NUAK1: variants seen among roughly 807,000 people sequenced by gnomAD.
NUAK1 encodes the protein NUAK family kinase 1, also known as NUAK family SNF1-like kinase 1.
A neutral mutation model predicts 56.9 loss-of-function variants in NUAK1; 26 were observed. The observed-to-expected ratio is 0.46, with a 90% CI of 0.33 to 0.63. The LOEUF (loss-of-function observed/expected upper bound fraction) is 0.63. Among genes scored for constraint, NUAK1 ranks in the 30% least tolerant of loss-of-function variants. The pLI is 0.02. For missense variants in NUAK1, 727 were observed against 876.1 expected, an observed-to-expected ratio of 0.83 and a Z score of 2.15; for synonymous variants, 337 against 336.0, an observed-to-expected ratio of 1.00 and a Z score of -0.03.
intron 4 of NUAK1, among the ~76,000 whole-genome samples, chr12:106,077,232 G>C (rs1172683830): frequency 6.6e-6 from 1 of 152,192 alleles, no homozygotes; most frequent in Non-Finnish European, 1.5e-5. Flanking sequence ...GGCTAATCAT[G>C]GCTTTGTCGT....
intron 2 of NUAK1, among the ~76,000 whole-genome samples, chr12:106,097,480 T>C (rs76408603): frequency 0.018 from 2,770 of 152,310 alleles, 71 homozygotes; most frequent in African/African-American, 0.057. Flanking sequence ...ATGTTAAGGA[T>C]CATTGATCTT....
chr12:106,092,014 A>G (rs1282808912), intron 2 of NUAK1, among the ~76,000 whole-genome samples: 3 of 151,902 alleles, frequency 2.0e-5, no homozygotes, highest in Admixed American at 2.0e-4. Flanking sequence ...TGGTCAACAT[A>G]GCGAGACCTC....
chr12:106,108,059 T>TA (rs151054632), intron 1 of NUAK1, among the ~76,000 whole-genome samples: 1,977 of 149,924 alleles, frequency 0.013, 43 homozygotes, highest in African/African-American at 0.046. Context: ...GGCAGGTAGA[T>TA]AAAAAACGAA....
intron 1 of NUAK1, among the ~76,000 whole-genome samples, chr12:106,127,327 G>A (rs1475116673): frequency 6.6e-6 from 1 of 152,096 alleles, no homozygotes; most frequent in Non-Finnish European, 1.5e-5. Flanking sequence ...ACTATGCCCA[G>A]CTAACTTTTC....
chr12:106,125,538 G>A (rs1434057755), intron 1 of NUAK1, among the ~76,000 whole-genome samples: 1 of 152,100 alleles, frequency 6.6e-6, no homozygotes, highest in Non-Finnish European at 1.5e-5. Context: ...CAGGTTCAAA[G>A]GCGAAAAAGC....
chr12:106,134,121 T>C (rs1307369702), intron 1 of NUAK1, among the ~76,000 whole-genome samples: 1 of 152,262 alleles, frequency 6.6e-6, no homozygotes, highest in African/African-American at 2.4e-5. Flanking sequence ...ATTCAAGACC[T>C]GTGCAACCTC....
chr12:106,119,068 G>A (rs1230643311), intron 1 of NUAK1, among the ~76,000 whole-genome samples: 3 of 152,162 alleles, frequency 2.0e-5, no homozygotes, highest in African/African-American at 7.2e-5. Context: ...ATGCTAATAA[G>A]GGGACTAAAT....
chr12:106,123,828 T>C (rs2033001360), intron 1 of NUAK1, among the ~76,000 whole-genome samples: 1 of 152,188 alleles, frequency 6.6e-6, no homozygotes, highest in Admixed American at 6.5e-5. Context: ...ATTCTGCTGA[T>C]GGTCATTTTG....
intron 2 of NUAK1, among the ~76,000 whole-genome samples, chr12:106,092,733 G>T (rs2032648913): frequency 6.6e-6 from 1 of 152,240 alleles, no homozygotes; most frequent in African/African-American, 2.4e-5. Context: ...CCTTGTGCAT[G>T]TCTTTTGATG....
At chr12:106,078,940 A>G (rs1036465195) in intron 4 of NUAK1, among the ~76,000 whole-genome samples, 4 of 152,206 alleles carry the variant, frequency 2.6e-5, no homozygotes, top group Non-Finnish European at 4.4e-5. Context: ...GCCTGCCTGC[A>G]GACAAGGTAA....
Position 106,067,021 on chromosome 12 carries a change from C to T in NUAK1, c.1767G>A (p.Gln589=). The T allele has an allele frequency of 6.2e-7, 1 of 1,614,224 alleles. No homozygotes were observed. Among genetic ancestry groups the T allele is most frequent in the Non-Finnish European group, 8.5e-7 (1 of 1,180,042 alleles). The part of the protein sequence containing the change: ...SSDSFDLLDL[Q]ENRPARQRIR... ...TGCGCTGGCGGGCAGGGCGATTCTC[C>T]TGCAAATCCAGCAAGTCAAAAGAGT... The change falls in exon 7 of 7, where the codon CAG becomes CAA. Residue 589 remains glutamine (Q), a synonymous_variant. Coordinates refer to ENST00000261402, the MANE Select transcript of NUAK1 (RefSeq NM_014840.3). This position sits in a 1 kb window ranked among gnomAD's most constrained non-coding sequence, Gnocchi z 6.0.
intron 1 of NUAK1, among the ~76,000 whole-genome samples, chr12:106,120,991 G>A (rs745786332): frequency 1.8e-4 from 27 of 152,328 alleles, no homozygotes; most frequent in Non-Finnish European, 3.4e-4. Flanking sequence ...TAAAAATACT[G>A]ATACCTGAGT....
intron 2 of NUAK1, among the ~76,000 whole-genome samples, chr12:106,087,482 T>G (rs2032585902): frequency 6.6e-6 from 1 of 152,234 alleles, no homozygotes; most frequent in Admixed American, 6.5e-5. Flanking sequence ...GGGGTTGTCC[T>G]GTTTCACTCA....
rs145200955 is a variant in NUAK1 at position 106,069,857 on chromosome 12, T to C, written c.832+917A>G. Reference sequence around the variant, plus strand: ...GAAGTGCCAATGTTAACTTCATTTGTTAACAAAAATGACCAATGATGGCCA... The same window carrying C: ...GAAGTGCCAATGTTAACTTCATTTGCTAACAAAAATGACCAATGATGGCCA... On this transcript the variant is annotated intron_variant, in intron 6 of 6. Transcript: ENST00000261402. 7.2e-5 allele frequency among the ~76,000 whole-genome samples: 11 copies of C among 152,242 alleles called. No homozygotes were observed. The East Asian group carries it at 2.1e-3, about 29-fold the overall frequency.
At chr12:106,118,713 T>C (rs964326069) in intron 1 of NUAK1, among the ~76,000 whole-genome samples, 9 of 152,214 alleles carry the variant, frequency 5.9e-5, no homozygotes, top group Admixed American at 1.3e-4. Flanking sequence ...TACACACAAA[T>C]ACCAATATTC....
intron 1 of NUAK1, among the ~76,000 whole-genome samples, chr12:106,118,524 G>A (rs543967559): frequency 1.4e-4 from 21 of 152,214 alleles, no homozygotes; most frequent in Non-Finnish European, 2.2e-4. Context: ...TCTGGTCGGG[G>A]AGCTAATCAG....
intron 2 of NUAK1, among the ~76,000 whole-genome samples, chr12:106,096,094 C>T (rs947557854): frequency 2.0e-5 from 3 of 152,054 alleles, no homozygotes; most frequent in Non-Finnish European, 4.4e-5. Context: ...TGACTGCCTG[C>T]GCAAATTAAG....
intron 1 of NUAK1, among the ~76,000 whole-genome samples, chr12:106,117,662 G>A (rs935992410): frequency 2.0e-5 from 3 of 152,206 alleles, no homozygotes; most frequent in Admixed American, 6.5e-5. Context: ...CCCATTTCAG[G>A]GGAGGGATTC....
rs1440583909 is a variant in NUAK1 at position 106,063,940 on chromosome 12, C to T, written c.*2862G>A. ...AGGGTACTTAGCATTTTCATTTCAC[C>T]TGGGGTCTTGAAGCACTTCCTGAAA... On this transcript the variant is annotated 3_prime_UTR_variant, in exon 7 of 7. Coordinates refer to ENST00000261402, the MANE Select transcript of NUAK1 (RefSeq NM_014840.3). The T allele has an allele frequency of 6.6e-6, 1 of 152,604 alleles. No individual in the cohort carries two copies. Among genetic ancestry groups the T allele is most frequent in the African/African-American group, 2.4e-5 (1 of 41,446 alleles). The allele number at this position is 152,604 out of a possible 1,614,324, so 9.5% of individuals were successfully genotyped here. A position where few individuals can be genotyped will look rare whatever the true frequency, so the allele number is the denominator to read the frequency against.
Sources: gnomAD v4.1 joint callset for allele counts (sites outside exome capture counted in the v4.1 genomes callset) on GRCh38, gnomAD v4.1.1 for gene constraint, Gnocchi (gnomAD v3.1) non-coding constraint, MANE v1.5 for transcripts, NCBI Gene and HGNC (gene_info 2026-07-23, HGNC 2026-07-21) for gene names.